The following MEGF11 variants were observed in gnomAD, a reference collection of about 807,000 sequenced individuals.
MEGF11 encodes multiple EGF like domains 11, also known as multiple epidermal growth factor-like domains protein 11.
A neutral mutation model predicts 146.6 loss-of-function variants in MEGF11; 126 were observed. That is an observed-to-expected ratio of 0.86 (90% confidence interval 0.74 to 1.00). The LOEUF (loss-of-function observed/expected upper bound fraction) is 1.00, where lower values mean the gene tolerates loss of function less well. Among genes scored for constraint, MEGF11 ranks in the 50% least tolerant of loss-of-function variants. The pLI is 0.00. For synonymous variants in MEGF11, 532 were observed against 583.4 expected, an observed-to-expected ratio of 0.91 and a Z score of 1.27; for missense variants, 1,509 against 1,521.2, an observed-to-expected ratio of 0.99 and a Z score of 0.13.
At chr15:65,959,824 A>G (rs2080795630) in intron 9 of MEGF11, among the ~76,000 whole-genome samples, 1 of 152,214 alleles carries the variant, frequency 6.6e-6, no homozygotes, top group South Asian at 2.1e-4. Flanking sequence ...CACAGATGGC[A>G]TTTAGAGGTT....
rs1003940011 is a variant in MEGF11 at position 65,929,788 on chromosome 15, T to A, written c.1504A>T (p.Ser502Cys). Residue 502 changes from serine (S) to cysteine (C), a missense_variant, in exon 12 of 26, where the codon AGC becomes TGC. Physicochemically the swap from Ser to Cys is moderately radical, Grantham distance 112. Coordinates refer to ENST00000395614, the MANE Select transcript of MEGF11 (RefSeq NM_001385028.1). ...CAGGAGCAGGAGCCGTCTATGGGGCTGCAGGCTGCCCCATTGGCACAGGTG... is the reference window on the plus strand; with the variant it reads ...CAGGAGCAGGAGCCGTCTATGGGGCAGCAGGCTGCCCCATTGGCACAGGTG... ...SCTCANGAAC[S>C]PIDGSCSCTP... is the part of the protein sequence containing the mutation. 2 of 1,562,946 alleles carry A rather than the reference T, an allele frequency of 1.3e-6. No individual in the cohort carries two copies. Among genetic ancestry groups the A allele is most frequent in the Non-Finnish European group, 1.7e-6 (2 of 1,153,678 alleles).
chr15:65,993,151 C>G (rs1416108520), intron 5 of MEGF11, among the ~76,000 whole-genome samples: 2 of 152,218 alleles, frequency 1.3e-5, no homozygotes, highest in African/African-American at 4.8e-5. Context: ...GAGTCCAAGT[C>G]AGCACTCATG....
intron 1 of MEGF11, among the ~76,000 whole-genome samples, chr15:66,202,803 G>T (rs1370565653): frequency 2.0e-5 from 3 of 152,226 alleles, no homozygotes; most frequent in African/African-American, 7.2e-5. Context: ...CAGGTAAGTA[G>T]CCTCTCAGAG....
intron 5 of MEGF11, among the ~76,000 whole-genome samples, chr15:65,991,579 A>G (rs1250833422): frequency 6.6e-6 from 1 of 152,224 alleles, no homozygotes; most frequent in East Asian, 1.9e-4. Flanking sequence ...ACACATACAC[A>G]CAATTGTGGC....
chr15:66,201,946 CAAAAAAAAAAA>C (rs71139471), intron 1 of MEGF11, among the ~76,000 whole-genome samples: 1 of 31,780 alleles, frequency 3.1e-5, no homozygotes, highest in Admixed American at 5.2e-4. Context: ...GACTCCATCT[CAAAAAAAAAAA>C]AAAAAAAAAA....
Position 66,075,956 on chromosome 15 carries a change from G to T in MEGF11, c.394+18446C>A, listed in dbSNP as rs577919650. Among the ~76,000 whole-genome samples the T allele has an allele frequency of 7.2e-5, 11 of 152,268 alleles. No homozygotes were observed. The South Asian group carries it at 2.3e-3, about 32-fold the overall frequency. ...TTGCCTGGGCTGAAAGGTCCTTAGG[G>T]CAGGGACAAGGGAAGGATCTTATTC... On this transcript the variant is annotated intron_variant, in intron 5 of 25. Transcript: ENST00000395614.
chr15:65,907,050 C>T (rs2078650836), intron 23 of MEGF11, among the ~76,000 whole-genome samples: 1 of 152,124 alleles, frequency 6.6e-6, no homozygotes, highest in African/African-American at 2.4e-5. Context: ...ATTTTTTCTT[C>T]TAGCTTTTAA....
At chr15:66,221,376 T>C (rs2091733558) in intron 1 of MEGF11, among the ~76,000 whole-genome samples, 1 of 152,098 alleles carries the variant, frequency 6.6e-6, no homozygotes, top group Non-Finnish European at 1.5e-5. Flanking sequence ...TTGAAAGCTT[T>C]CCAGATTATT....
At chr15:65,986,225 T>C (rs529454349) in intron 5 of MEGF11, among the ~76,000 whole-genome samples, 5 of 152,248 alleles carry the variant, frequency 3.3e-5, no homozygotes, top group African/African-American at 9.6e-5. Flanking sequence ...AGTGCTGAGA[T>C]TGTGGCTCAG....
intron 5 of MEGF11, among the ~76,000 whole-genome samples, chr15:66,009,593 G>GTTTTC (rs1555460996): frequency 3.4e-5 from 2 of 59,306 alleles, no homozygotes; most frequent in African/African-American, 1.0e-4. Flanking sequence ...GTCACATATG[G>GTTTTC]TTTTTTTTTT....
chr15:65,981,041 C>T, intron 6 of MEGF11, 143 bp from the exon 7 acceptor site: 2 of 1,118,834 alleles, frequency 1.8e-6, no homozygotes, highest in African/African-American at 1.6e-5. Context: ...AGTCCTGCTC[C>T]CTGCCAGGAG....
At chr15:66,124,150 C>T (rs2088208936) in intron 2 of MEGF11, 150 bp from the exon 3 acceptor site, 2 of 655,010 alleles carry the variant, frequency 3.1e-6, no homozygotes, top group Admixed American at 2.4e-5. Flanking sequence ...CTATCCTCCC[C>T]CTGCCCTGAA....
chr15:66,149,402 T>C (rs55850550), intron 1 of MEGF11, among the ~76,000 whole-genome samples: 4,617 of 152,298 alleles, frequency 0.03, 109 homozygotes, highest in Non-Finnish European at 0.04. Context: ...AGAACCTACT[T>C]CAAGGGGTTC....
intron 5 of MEGF11, among the ~76,000 whole-genome samples, chr15:66,072,021 C>T (rs2085389119): frequency 6.6e-6 from 1 of 152,244 alleles, no homozygotes; most frequent in South Asian, 2.1e-4. Context: ...GGAGCTCTTC[C>T]CTGCTCATCC....
chr15:66,100,464 T>C (rs999178854), intron 4 of MEGF11, among the ~76,000 whole-genome samples: 1 of 152,184 alleles, frequency 6.6e-6, no homozygotes, highest in Non-Finnish European at 1.5e-5. Flanking sequence ...GGAGCCAGGC[T>C]GTCGGGACTC....
chr15:65,901,181 A>G (rs959616505), intron 24 of MEGF11, among the ~76,000 whole-genome samples: 10 of 152,292 alleles, frequency 6.6e-5, no homozygotes, highest in African/African-American at 2.2e-4. Context: ...GGTAAGTCCA[A>G]GAACCCCAGC....
intron 5 of MEGF11, among the ~76,000 whole-genome samples, chr15:66,030,157 C>T (rs757747913): frequency 8.5e-5 from 13 of 152,312 alleles, no homozygotes; most frequent in African/African-American, 1.9e-4. Flanking sequence ...CATGACTTCT[C>T]GTGCACACAG....
At chr15:65,927,149 C>T (rs1427924869) in intron 13 of MEGF11, among the ~76,000 whole-genome samples, 2 of 152,200 alleles carry the variant, frequency 1.3e-5, no homozygotes, top group African/African-American at 4.8e-5. Flanking sequence ...TAAGCACTTC[C>T]TGTATTCATG....
chr15:66,085,260 A>T (rs111579303), intron 5 of MEGF11, among the ~76,000 whole-genome samples: 115 of 152,296 alleles, frequency 7.6e-4, no homozygotes, highest in African/African-American at 2.6e-3. Context: ...GCAGAAGACA[A>T]AGGGCATATA....
Sources: gnomAD v4.1 joint callset for allele counts (sites outside exome capture counted in the v4.1 genomes callset) on GRCh38, gnomAD v4.1.1 for gene constraint, MANE v1.5 for transcripts, NCBI Gene and HGNC (gene_info 2026-07-23, HGNC 2026-07-21) for gene names.